WWTR1: variants seen among roughly 807,000 people sequenced by gnomAD.
The protein encoded by WWTR1 is WW domain containing transcription regulator 1, also known as WW domain-containing transcription regulator protein 1.
Under a neutral mutation model 40.1 loss-of-function variants are expected in WWTR1, and 13 were observed. The ratio of observed to expected loss-of-function variants is 0.32; its 90% CI spans 0.21 to 0.52. WWTR1 has a LOEUF of 0.52. Ranked by LOEUF, WWTR1 falls within the 20% of genes least tolerant of loss-of-function variation. The probability of loss-of-function intolerance (pLI) is 0.97; values close to 1 mark genes in which losing one functional copy is unlikely to be tolerated. For synonymous variants in WWTR1, 230 were observed against 210.1 expected (o/e 1.09, Z -0.82); for missense variants, 436 against 523.1 (o/e 0.83, Z 1.63).
intron 2 of WWTR1, among the ~76,000 whole-genome samples, chr3:149,639,227 G>T (rs1272042365): frequency 6.6e-6 from 1 of 152,234 alleles, no homozygotes; most frequent in Admixed American, 6.5e-5. Flanking sequence ...TATATATACA[G>T]GGTCTCTTTC....
rs199737794 is a variant in WWTR1, at chr3:149,622,490, G to A, written c.431+34386C>T. ...GGAAGGAAGGAAGGAAGGAAGGAAG[G>A]AAGGAAGGAAGGAAGAAAGAAAGAA... On this transcript the variant is annotated intron_variant, in intron 2 of 6. Coordinates refer to ENST00000360632, the MANE Select transcript of WWTR1 (RefSeq NM_015472.6). Among the ~76,000 whole-genome samples the A allele has an allele frequency of 4.0e-3, 251 of 62,636 alleles. 1 individual carries two copies. The highest frequency in any genetic ancestry group is 0.025 in the East Asian group (38 of 1,522). The allele number at this position is 62,636 out of a possible 152,430, so 41.1% of individuals were successfully genotyped here. A position where few individuals can be genotyped will look rare whatever the true frequency, so the allele number is the denominator to read the frequency against.
At chr3:149,662,019 C>T (rs536683848), upstream of WWTR1, among the ~76,000 whole-genome samples, 23 of 152,344 alleles carry the variant, frequency 1.5e-4, no homozygotes, top group African/African-American at 5.3e-4. Context: ...GCGTGAGCCA[C>T]CTCGCCCGGC....
intron 1 of WWTR1, among the ~76,000 whole-genome samples, chr3:149,680,862 A>G (rs1268422241): frequency 6.6e-6 from 1 of 151,928 alleles, no homozygotes; most frequent in Non-Finnish European, 1.5e-5. Context: ...ATTGACTCTT[A>G]TTTTTCTTTT....
chr3:149,543,690 A>G (rs1736245403), intron 3 of WWTR1, among the ~76,000 whole-genome samples: 1 of 150,408 alleles, frequency 6.6e-6, no homozygotes, highest in African/African-American at 2.4e-5. Flanking sequence ...TAAAAGTGCT[A>G]GTTTTTCTCA....
intron 1 of WWTR1, among the ~76,000 whole-genome samples, chr3:149,680,220 G>C (rs1714409078): frequency 6.6e-6 from 1 of 152,160 alleles, no homozygotes. Flanking sequence ...TAGAGCTGTT[G>C]TGAATATCAA....
chr3:149,688,178 T>C (rs929241070), intron 1 of WWTR1, among the ~76,000 whole-genome samples: 5 of 151,952 alleles, frequency 3.3e-5, no homozygotes, highest in African/African-American at 1.2e-4. Context: ...ACAGCATATC[T>C]AGACCCACCC....
chr3:149,570,135 C>T (rs1349939052), intron 3 of WWTR1, among the ~76,000 whole-genome samples: 1 of 152,232 alleles, frequency 6.6e-6, no homozygotes, highest in Non-Finnish European at 1.5e-5. Flanking sequence ...ACTTACTTGG[C>T]ATTCCAAGTT....
chr3:149,519,981 T>C lies in WWTR1; in HGVS notation c.*824A>G, dbSNP rs1734965548. The C allele has an allele frequency of 6.6e-6, 1 of 150,734 alleles. No individual in the cohort carries two copies. The highest frequency in any genetic ancestry group is 2.1e-4 in the South Asian group (1 of 4,778). The allele number at this position is 150,734 out of a possible 1,614,324, so 9.3% of individuals were successfully genotyped here. ...ACAACATCAAGAAAAAAAAAAACCA[T>C]CAGATTCTAAGCTGCAATTTTTTAA... On this transcript the variant is annotated 3_prime_UTR_variant, in exon 7 of 7. Coordinates refer to ENST00000360632, the MANE Select transcript of WWTR1 (RefSeq NM_015472.6).
chr3:149,565,673 AG>A (rs1737285198), intron 3 of WWTR1, among the ~76,000 whole-genome samples: 1 of 152,116 alleles, frequency 6.6e-6, no homozygotes, highest in Non-Finnish European at 1.5e-5. Flanking sequence ...GCACTTTGGG[AG>A]GCTGAGGTGG....
chr3:149,679,356 T>C (rs547140656), intron 1 of WWTR1, among the ~76,000 whole-genome samples: 3 of 152,340 alleles, frequency 2.0e-5, no homozygotes, highest in African/African-American at 7.2e-5. Flanking sequence ...GCCTACCTTT[T>C]AGGGTTATTT....
At chr3:149,600,136 C>T (rs1355150080) in intron 2 of WWTR1, among the ~76,000 whole-genome samples, 1 of 152,090 alleles carries the variant, frequency 6.6e-6, no homozygotes, top group South Asian at 2.1e-4. Flanking sequence ...AGGACTTGAG[C>T]GTCGTCAAAT....
chr3:149,678,849 T>G (rs1248966287), intron 1 of WWTR1, among the ~76,000 whole-genome samples: 2 of 149,826 alleles, frequency 1.3e-5, no homozygotes, highest in Non-Finnish European at 3.0e-5. Context: ...TTTGATGGAG[T>G]TTCGCTCTTG....
At chr3:149,564,497 T>C (rs890375205) in intron 3 of WWTR1, among the ~76,000 whole-genome samples, 5 of 152,038 alleles carry the variant, frequency 3.3e-5, no homozygotes, top group Admixed American at 2.6e-4. Context: ...CTTTTTTTTT[T>C]TTTTTCTCCT....
At chr3:149,618,989 C>T (rs747794229) in intron 2 of WWTR1, among the ~76,000 whole-genome samples, 1 of 152,134 alleles carries the variant, frequency 6.6e-6, no homozygotes, top group Non-Finnish European at 1.5e-5. Context: ...AGGCTGCTTG[C>T]CAAACAAGGA....
At chr3:149,547,762 A>T (rs776636218) in intron 3 of WWTR1, among the ~76,000 whole-genome samples, 11 of 151,646 alleles carry the variant, frequency 7.3e-5, no homozygotes, top group Admixed American at 1.3e-4. Flanking sequence ...GAGAGTCAGA[A>T]TTTAAATTTA....
intron 2 of WWTR1, among the ~76,000 whole-genome samples, chr3:149,637,994 T>A (rs954069271): frequency 3.3e-5 from 5 of 152,036 alleles, no homozygotes; most frequent in African/African-American, 1.2e-4. Context: ...AGGTGGTGGA[T>A]CACCTGAGGT....
At chr3:149,584,738 T>C (rs1034276982) in intron 2 of WWTR1, among the ~76,000 whole-genome samples, 6 of 151,994 alleles carry the variant, frequency 3.9e-5, no homozygotes, top group Non-Finnish European at 7.4e-5. Flanking sequence ...TGAGGCAGAG[T>C]GGTACAGTGG....
chr3:149,538,805 T>C (rs758097458), intron 4 of WWTR1, among the ~76,000 whole-genome samples: 4 of 152,212 alleles, frequency 2.6e-5, no homozygotes, highest in Non-Finnish European at 5.9e-5. Flanking sequence ...AAGCAGGGAA[T>C]GGTTTTAATT....
intron 2 of WWTR1, among the ~76,000 whole-genome samples, chr3:149,646,324 C>T (rs1186994926): frequency 6.6e-6 from 1 of 152,190 alleles, no homozygotes; most frequent in Non-Finnish European, 1.5e-5. Flanking sequence ...TGGTGGATGG[C>T]TTATACATAG....
Sources: allele counts gnomAD v4.1 joint callset (sites outside exome capture counted in the v4.1 genomes callset), GRCh38; gene constraint gnomAD v4.1.1; transcripts MANE v1.5; gene names NCBI Gene and HGNC (gene_info 2026-07-23, HGNC 2026-07-21).